PUF60: variants seen among roughly 807,000 people sequenced by gnomAD.
PUF60 encodes the protein poly(U) binding splicing factor 60.
PUF60 carries 10 observed loss-of-function variants against 61.8 expected under a neutral mutation model. The observed-to-expected ratio is 0.16, with a 90% CI of 0.10 to 0.27. PUF60 has a LOEUF of 0.27. Among genes scored for constraint, PUF60 ranks in the 10% least tolerant of loss-of-function variants. The pLI is 1.00. For missense variants in PUF60, 371 were observed against 754.0 expected, an observed-to-expected ratio of 0.49 and a Z score of 5.95; for synonymous variants, 353 against 300.9, an observed-to-expected ratio of 1.17 and a Z score of -1.79.
At position 143,816,986 on chromosome 8, in the gene PUF60, C is replaced by T; in HGVS notation, c.1304G>A (p.Ser435Asn). ...CGAGATGCTCATGTGCTCCTGCTCG[C>T]TCAGCATCTCTGGCCGCTCTGACTC... is the stretch of plus-strand genomic sequence containing the variant. ...FPESERPEMLSEQEHMSISGS... is the reference protein window; with the variant it reads ...FPESERPEMLNEQEHMSISGS... The change falls in exon 11 of 12, where the codon AGC (serine) becomes AAC (asparagine). Residue 435 changes from serine to asparagine, a missense_variant. Ser to Asn is a conservative substitution (Grantham distance 46). Around this residue, in one of 13 missense-constraint regions of PUF60, gnomAD observed 68 missense variants for 69.4 expected, o/e 0.98. Transcript: ENST00000526683. 1 of 1,605,476 alleles carries T rather than the reference C, an allele frequency of 6.2e-7. No individual in the cohort carries two copies. Among genetic ancestry groups the T allele is most frequent in the Non-Finnish European group, 8.5e-7 (1 of 1,176,254 alleles).
chr8:143,824,362 G>A lies in PUF60; in HGVS notation c.62C>T (p.Ala21Val), dbSNP rs757992217. 1.7e-5 allele frequency: 27 copies of A among 1,612,436 alleles called. No individual in the cohort carries two copies. The highest frequency in any genetic ancestry group is 2.0e-5 in the Non-Finnish European group (24 of 1,179,756). Residue 21 changes from alanine (A) to valine (V), a missense_variant, in exon 2 of 12, where the codon GCG (alanine) becomes GTG (valine). By Grantham distance (64) the Ala-to-Val change is moderately conservative. Around this residue, in one of 13 missense-constraint regions of PUF60, gnomAD observed 69 missense variants for 64.7 expected, o/e 1.07. Transcript: ENST00000526683. ...CGCTGCCACCACTGCCGCCGCCGCC[G>A]CCGGCTCGGACCCCCCTCCTTGCTG... Reference protein sequence around the residue: ...NGQQGGGSEPAAAAAVVAAGD... With the variant: ...NGQQGGGSEPVAAAAVVAAGD...
rs562217993 is a variant in PUF60 at position 143,818,570 on chromosome 8, G to A, written c.349-36C>T. 20 of 1,533,474 alleles carry A rather than the reference G, an allele frequency of 1.3e-5. No individual in the cohort carries two copies. The Admixed American group carries it at 1.4e-4, about 11-fold the overall frequency. The allele number at this position is 1,533,474 out of a possible 1,614,324, so 95.0% of individuals were successfully genotyped here. ...ACAGAGGGGAGAGAACCGCTGGCTC[G>A]TCAGGGGCGGCAGGAAGCTGGGCAG... On this transcript the variant is annotated intron_variant, in intron 5 of 11. Coordinates refer to ENST00000526683, the MANE Select transcript of PUF60 (RefSeq NM_078480.3). This position sits in a 1 kb window ranked among gnomAD's most constrained non-coding sequence, Gnocchi z 7.9.
At chr8:143,819,846 G>A (rs1039427767) in intron 5 of PUF60, among the ~76,000 whole-genome samples, 1 of 151,826 alleles carries the variant, frequency 6.6e-6, no homozygotes, top group Non-Finnish European at 1.5e-5. Context: ...CCCACCCCCA[G>A]GCAGGCCAAG....
At chr8:143,824,162 C>T (rs1817350837) in intron 2 of PUF60, 151 bp downstream of exon 2, 2 of 734,730 alleles carry the variant, frequency 2.7e-6, no homozygotes, top group Non-Finnish European at 4.4e-6. Context: ...GTCCTGCGGG[C>T]AGTTGTCTGC....
At chr8:143,824,427 G>C (rs760509611) in intron 1 of PUF60, 28 bp from the exon 2 acceptor site, 1 of 1,605,280 alleles carries the variant, frequency 6.2e-7, no homozygotes, top group South Asian at 1.1e-5. Flanking sequence ...ATGTTGTAAC[G>C]ACAGGCACAC....
chr8:143,825,852 T>G (rs1273848400), intron 1 of PUF60, among the ~76,000 whole-genome samples: 1 of 152,222 alleles, frequency 6.6e-6, no homozygotes, highest in Non-Finnish European at 1.5e-5. Context: ...GAGGGGCACT[T>G]TTGTAACTTC....
chr8:143,820,807 G>C, intron 4 of PUF60, 91 bp from the exon 5 acceptor site: 1 of 1,284,026 alleles, frequency 7.8e-7, no homozygotes, highest in South Asian at 1.2e-5. Flanking sequence ...GCAAGGCCCG[G>C]AGTCCCCGCC....
Position 143,818,789 on chromosome 8 carries a change from G to A in PUF60, c.349-255C>T. On this transcript the variant is annotated intron_variant, in intron 5 of 11. Coordinates refer to ENST00000526683, the MANE Select transcript of PUF60 (RefSeq NM_078480.3). This position sits in a 1 kb window ranked among gnomAD's most constrained non-coding sequence, Gnocchi z 7.9. ...CCAAGGTCCCAGGCAGACTGCGGCA[G>A]CAAAGCCGACAGATGGTCAGGAGGC... 1.9e-6 allele frequency: 1 copy of A among 539,676 alleles called. No homozygotes were observed. The highest frequency in any genetic ancestry group is 3.3e-6 in the Non-Finnish European group (1 of 305,400). 33.4% of individuals were successfully genotyped at this position (539,676 alleles called of 1,614,324 possible).
chr8:143,824,349 T>C lies in PUF60; in HGVS notation c.75A>G (p.Ala25=). The change falls in exon 2 of 12, where the codon GCA becomes GCG. Residue 25 remains alanine (A), a synonymous_variant. Coordinates refer to ENST00000526683, the MANE Select transcript of PUF60 (RefSeq NM_078480.3). Reference sequence around the variant, plus strand: ...TCCATTTGTCTCCCGCTGCCACCACTGCCGCCGCCGCCGCCGGCTCGGACC... The same window carrying C: ...TCCATTTGTCTCCCGCTGCCACCACCGCCGCCGCCGCCGCCGGCTCGGACC... ...GGGSEPAAAA[A]VVAAGDKWKP... 6.2e-7 allele frequency: 1 copy of C among 1,612,306 alleles called. No individual in the cohort carries two copies. Among genetic ancestry groups the C allele is most frequent in the South Asian group, 1.1e-5 (1 of 91,064 alleles).
In PUF60 at chr8:143,818,493, G is replaced by A. The variant is rs750868114; in HGVS notation, c.390C>T (p.Arg130=). ...QRQRALAIMC[R]VYVGSIYYEL... is the part of the protein sequence containing the mutation. The stretch of plus-strand genomic sequence containing the variant: ...CATAGTAGATAGAGCCCACGTAGAC[G>A]CGGCACATGATGGCCAGCGCCCGCT... The change falls in exon 6 of 12, where the codon CGC becomes CGT. Residue 130 remains arginine, a synonymous_variant. Coordinates refer to ENST00000526683, the MANE Select transcript of PUF60 (RefSeq NM_078480.3). This position sits in a 1 kb window ranked among gnomAD's most constrained non-coding sequence, Gnocchi z 7.9. The A allele has an allele frequency of 1.2e-5, 20 of 1,607,514 alleles. No individual in the cohort carries two copies. The highest frequency in any genetic ancestry group is 8.0e-5 in the African/African-American group (6 of 74,836).
intron 1 of PUF60, chr8:143,828,848 C>A: frequency 1.1e-6 from 1 of 885,812 alleles, no homozygotes; most frequent in Non-Finnish European, 1.4e-6. Flanking sequence ...CTGCAGGCCC[C>A]TTTCTACAGG....
chr8:143,818,106 G>A lies in PUF60; in HGVS notation c.604-31C>T, dbSNP rs200597369. 2.7e-4 allele frequency: 434 copies of A among 1,605,930 alleles called. No homozygotes were observed. The highest frequency in any genetic ancestry group is 3.3e-4 in the Non-Finnish European group (387 of 1,176,300). On this transcript the variant is annotated intron_variant, in intron 7 of 11. Coordinates refer to ENST00000526683, the MANE Select transcript of PUF60 (RefSeq NM_078480.3). The surrounding 1 kb of genome is among the most constrained non-coding windows in gnomAD (Gnocchi z 7.9). ...GAAGAGGCGGTGAGATGGAAAGACC[G>A]GTCAACCCAGGCCCGGCCACAAAAG... is the stretch of plus-strand genomic sequence containing the variant.
At position 143,818,657 on chromosome 8, in the gene PUF60, G is replaced by A. The variant is rs1489837351; in HGVS notation, c.349-123C>T. 9 of 1,060,832 alleles carry A rather than the reference G, an allele frequency of 8.5e-6. No homozygotes were observed. The South Asian group carries it at 1.1e-4, about 13-fold the overall frequency. The allele number at this position is 1,060,832 out of a possible 1,614,324, so 65.7% of individuals were successfully genotyped here. A position where few individuals can be genotyped will look rare whatever the true frequency, so the allele number is the denominator to read the frequency against. ...GTGGGGAGGGCTCCCCACATGACAG[G>A]GAGGTGCGGGCTCCATCCCTGCAGT... is the stretch of plus-strand genomic sequence containing the variant. On this transcript the variant is annotated intron_variant, in intron 5 of 11. Transcript: ENST00000526683. The surrounding 1 kb of genome is among the most constrained non-coding windows in gnomAD (Gnocchi z 7.9).
intron 1 of PUF60, chr8:143,828,998 C>A: frequency 1.0e-6 from 1 of 993,622 alleles, no homozygotes; most frequent in Non-Finnish European, 1.2e-6. Context: ...CGGACAGGAA[C>A]GCAACCCCGC....
Position 143,817,573 on chromosome 8 carries a change from C to A in PUF60, c.1008+19G>T. The A allele has an allele frequency of 2.5e-6, 4 of 1,610,352 alleles. No homozygotes were observed. The highest frequency in any genetic ancestry group is 3.4e-6 in the Non-Finnish European group (4 of 1,179,186). On this transcript the variant is annotated intron_variant, in intron 9 of 11. Transcript: ENST00000526683. This position sits in a 1 kb window ranked among gnomAD's most constrained non-coding sequence, Gnocchi z 7.4. Reference sequence around the variant, plus strand: ...GCCAGCCCGCCCACCCTCAAGCCGACAGCTGTGTGGGCCCTCACCTGAGCT... The same window carrying A: ...GCCAGCCCGCCCACCCTCAAGCCGAAAGCTGTGTGGGCCCTCACCTGAGCT...
chr8:143,818,543 G>A lies in PUF60; in HGVS notation c.349-9C>T, dbSNP rs1482937398. On this transcript the variant is annotated splice_polypyrimidine_tract_variant and intron_variant, in intron 5 of 11. Transcript: ENST00000526683. The surrounding 1 kb of genome is among the most constrained non-coding windows in gnomAD (Gnocchi z 7.9). ...TGCCGCTGAGCCGCCATCTGCAGCAGGACAGAGGGGAGAGAACCGCTGGCT... is the reference window on the plus strand; with the variant it reads ...TGCCGCTGAGCCGCCATCTGCAGCAAGACAGAGGGGAGAGAACCGCTGGCT... 1 of 1,576,332 alleles carries A rather than the reference G, an allele frequency of 6.3e-7. No homozygotes were observed. Among genetic ancestry groups the A allele is most frequent in the South Asian group, 1.2e-5 (1 of 86,704 alleles).
chr8:143,829,280 G>T lies in PUF60; in HGVS notation c.24C>A (p.Leu8=). The change falls in exon 1 of 12, where the codon CTC becomes CTA. Residue 8 remains leucine, a splice_region_variant and synonymous_variant. Coordinates refer to ENST00000526683, the MANE Select transcript of PUF60 (RefSeq NM_078480.3). ...CGCGCTCATGGGGGGGCTCACTTAC[G>T]AGAGCTATGGTCGCCGTCGCCATCT... The part of the protein sequence containing the change: MATATIA[L]QVNGQQGGGS... The T allele has an allele frequency of 7.9e-7, 1 of 1,265,328 alleles. No homozygotes were observed. The highest frequency in any genetic ancestry group is 1.0e-6 in the Non-Finnish European group (1 of 998,808). 78.4% of individuals were successfully genotyped at this position (1,265,328 alleles called of 1,614,324 possible). A position where few individuals can be genotyped will look rare whatever the true frequency, so the allele number is the denominator to read the frequency against.
chr8:143,825,591 C>T (rs879095139), intron 1 of PUF60, among the ~76,000 whole-genome samples: 1 of 152,162 alleles, frequency 6.6e-6, no homozygotes, highest in Non-Finnish European at 1.5e-5. Flanking sequence ...GGTGCAACTA[C>T]GGCTTACTGC....
Position 143,817,006 on chromosome 8 carries a change from T to C in PUF60, c.1284A>G (p.Ser428=), listed in dbSNP as rs559702760. 3 of 1,608,170 alleles carry C rather than the reference T, an allele frequency of 1.9e-6. No homozygotes were observed. Among genetic ancestry groups the C allele is most frequent in the Admixed American group, 3.4e-5 (2 of 59,284 alleles). Residue 428 remains serine (S), a synonymous_variant, in exon 11 of 12, where the codon TCA becomes TCG. Coordinates refer to ENST00000526683, the MANE Select transcript of PUF60 (RefSeq NM_078480.3). The surrounding 1 kb of genome is among the most constrained non-coding windows in gnomAD (Gnocchi z 7.4). ...EKEEEELFPE[S]ERPEMLSEQE... is the part of the protein sequence containing the mutation. ...GCTCGCTCAGCATCTCTGGCCGCTC[T>C]GACTCGGGAAACAGCTCCTCTTCTT...
Sources: allele counts gnomAD v4.1 joint callset (sites outside exome capture counted in the v4.1 genomes callset), GRCh38; gene constraint gnomAD v4.1.1; regional missense constraint gnomAD v4.1.1; non-coding constraint Gnocchi (gnomAD v3.1); transcripts MANE v1.5; gene names NCBI Gene and HGNC (gene_info 2026-07-23, HGNC 2026-07-21).